SGCD: variants seen among roughly 807,000 people sequenced by gnomAD.
The protein encoded by SGCD is delta-sarcoglycan.
Under a neutral mutation model 36.6 loss-of-function variants are expected in SGCD, and 18 were observed. The observed-to-expected ratio is 0.49, with a 90% CI of 0.34 to 0.73. The LOEUF is 0.73. Ranked by LOEUF, SGCD falls within the 30% of genes least tolerant of loss-of-function variation. The pLI is 0.01. For synonymous variants in SGCD, 133 were observed against 130.6 expected, an observed-to-expected ratio of 1.02 and a Z score of -0.12; for missense variants, 387 against 346.7, an observed-to-expected ratio of 1.12 and a Z score of -0.92.
the SGCD span, among the ~76,000 whole-genome samples, chr5:155,820,765 G>A: frequency 6.6e-6 from 1 of 152,092 alleles, no homozygotes; most frequent in Non-Finnish European, 1.5e-5. Context: ...CTGCCCTACA[G>A]ATACAAGAGT....
chr5:155,739,496 C>G, the SGCD span, among the ~76,000 whole-genome samples: 1 of 152,222 alleles, frequency 6.6e-6, no homozygotes, highest in Non-Finnish European at 1.5e-5. Flanking sequence ...AATATTCCAT[C>G]TAACCTGCCT....
intron 3 of SGCD, among the ~76,000 whole-genome samples, chr5:156,412,453 A>G (rs1402507756): frequency 6.6e-6 from 1 of 152,244 alleles, no homozygotes; most frequent in South Asian, 2.1e-4. Context: ...TTTTGAGAAT[A>G]TTCTTTGTGC....
intron 1 of SGCD, among the ~76,000 whole-genome samples, chr5:155,957,590 C>G (rs1182598013): frequency 1.3e-5 from 2 of 152,046 alleles, no homozygotes. Flanking sequence ...TGGCTCATGG[C>G]CCTCTTCTTT....
Position 155,884,169 on chromosome 5 carries a change from C to A in SGCD, c.-282+13745C>A, listed in dbSNP as rs529557528. On this transcript the variant is annotated intron_variant, in intron 1 of 9. Transcript: ENST00000517913. ...CGGGTGACACCTAACGATGATGAAT[C>A]CTTTACCGAGGTGATTCACAGCTCT... Among the ~76,000 whole-genome samples, 13 of 152,270 alleles carry A rather than the reference C, an allele frequency of 8.5e-5. No homozygotes were observed. The East Asian group carries it at 2.5e-3, about 29-fold the overall frequency.
intron 3 of SGCD, among the ~76,000 whole-genome samples, chr5:156,292,918 T>C (rs1766797179): frequency 6.6e-6 from 1 of 152,152 alleles, no homozygotes; most frequent in Admixed American, 6.6e-5. Flanking sequence ...TGTCTGTTTG[T>C]GCAAGTCTGT....
chr5:156,458,996 C>T (rs563727859), intron 3 of SGCD, among the ~76,000 whole-genome samples: 1 of 152,248 alleles, frequency 6.6e-6, no homozygotes, highest in African/African-American at 2.4e-5. Flanking sequence ...AAAGCCCTTT[C>T]AAAGAATATT....
chr5:155,753,485 T>G, the SGCD span, among the ~76,000 whole-genome samples: 1 of 152,216 alleles, frequency 6.6e-6, no homozygotes, highest in Non-Finnish European at 1.5e-5. Context: ...CAATGTGCTA[T>G]TTCAGGGAAG....
intron 3 of SGCD, among the ~76,000 whole-genome samples, chr5:156,168,956 C>T (rs144130183): frequency 1.3e-5 from 2 of 152,264 alleles, no homozygotes; most frequent in Non-Finnish European, 2.9e-5. Flanking sequence ...GATGAGTGTG[C>T]TTATGGAGGG....
At chr5:156,179,316 G>T (rs191830563) in intron 3 of SGCD, among the ~76,000 whole-genome samples, 1 of 152,098 alleles carries the variant, frequency 6.6e-6, no homozygotes. Context: ...GCAGCTACAT[G>T]CAATTTTTCA....
rs556103150 is a variant in SGCD, at chr5:156,116,169, A to G, written c.-281-1709A>G. ...GCAGCTTGTTTTTCTATTATTTACC[A>G]TTTTCAAAATAATGATCTGGTTCTC... is the stretch of plus-strand genomic sequence containing the variant. On this transcript the variant is annotated intron_variant, in intron 1 of 9. Coordinates refer to the SGCD transcript ENST00000517913. Among the ~76,000 whole-genome samples the G allele has an allele frequency of 1.1e-4, 17 of 152,112 alleles. No homozygotes were observed. In the South Asian group the frequency reaches 2.9e-3, roughly 26 times the overall value.
intron 3 of SGCD, among the ~76,000 whole-genome samples, chr5:156,490,067 A>C (rs1755867535): frequency 6.6e-6 from 1 of 152,060 alleles, no homozygotes; most frequent in Non-Finnish European, 1.5e-5. Flanking sequence ...AAGGATAAAG[A>C]CTATTATAAA....
chr5:156,524,151 T>C (rs563524305), intron 4 of SGCD, among the ~76,000 whole-genome samples: 15 of 111,066 alleles, frequency 1.4e-4, no homozygotes, highest in African/African-American at 4.7e-4. Context: ...TATATATGGT[T>C]TTACATAAAA....
At chr5:156,480,611 G>A (rs1400683078) in intron 3 of SGCD, among the ~76,000 whole-genome samples, 1 of 152,144 alleles carries the variant, frequency 6.6e-6, no homozygotes, top group Non-Finnish European at 1.5e-5. Context: ...ACCCCAGATG[G>A]CACATGGGCC....
At chr5:155,845,109 G>A in the SGCD span, among the ~76,000 whole-genome samples, 5 of 152,184 alleles carry the variant, frequency 3.3e-5, no homozygotes, top group African/African-American at 1.2e-4. Flanking sequence ...TCCTACTTAT[G>A]AGTGAGAACA....
Position 156,344,627 on chromosome 5 carries a change from G to A in SGCD, c.142G>A (p.Val48Met), listed in dbSNP as rs556208970. 1.2e-6 allele frequency: 2 copies of A among 1,611,702 alleles called. No individual in the cohort carries two copies. Among genetic ancestry groups the A allele is most frequent in the Admixed American group, 3.3e-5 (2 of 59,788 alleles). Residue 48 changes from valine to methionine, a missense_variant, in exon 3 of 9, where the codon GTG (valine) becomes ATG (methionine). Physicochemically the swap from Val to Met is conservative, Grantham distance 21. Coordinates refer to ENST00000337851, the MANE Select transcript of SGCD (RefSeq NM_000337.6). Reference sequence around the variant, plus strand: ...CCTGCTCCTCATGATTTTAATACTGGTGAACTTGGCCATGACCATCTGGAT... The same window carrying A: ...CCTGCTCCTCATGATTTTAATACTGATGAACTTGGCCATGACCATCTGGAT... ...FVLLLMILIL[V>M]NLAMTIWILK...
At chr5:156,643,297 G>A (rs1445788198) in intron 6 of SGCD, among the ~76,000 whole-genome samples, 2 of 151,868 alleles carry the variant, frequency 1.3e-5, no homozygotes, top group Non-Finnish European at 1.5e-5. Flanking sequence ...CTTCCAAAAT[G>A]CTGGGATTAC....
rs934639739 is a variant in SGCD, at chr5:156,759,250, A to G, written c.733A>G (p.Arg245Gly). 2 of 1,613,728 alleles carry G rather than the reference A, an allele frequency of 1.2e-6. No individual in the cohort carries two copies. Among genetic ancestry groups the G allele is most frequent in the Non-Finnish European group, 1.7e-6 (2 of 1,179,762 alleles). ...KLDAAKIRLP[R>G]LPHGSYTPTG... The stretch of plus-strand genomic sequence containing the variant: ...AGATGCTGCGAAAATCAGGCTACCT[A>G]GACTGCCTCATGGATCCTACACGCC... The change falls in exon 9 of 9, where the codon AGA becomes GGA. Residue 245 changes from arginine (R) to glycine (G), a missense_variant. Arg to Gly is a moderately radical substitution (Grantham distance 125, BLOSUM62 -2). Transcript: ENST00000337851.
chr5:156,234,475 T>C (rs1414976883), intron 3 of SGCD, among the ~76,000 whole-genome samples: 23 of 152,178 alleles, frequency 1.5e-4, no homozygotes, highest in Non-Finnish European at 3.4e-4. Flanking sequence ...TGGAGGTTCA[T>C]TAGAACCTAA....
chr5:156,026,376 A>C (rs1338829799), intron 1 of SGCD, among the ~76,000 whole-genome samples: 4 of 152,208 alleles, frequency 2.6e-5, no homozygotes, highest in Admixed American at 2.6e-4. Context: ...AGGGAAGTGG[A>C]TATATAAAAT....
Sources: allele counts gnomAD v4.1 joint callset (sites outside exome capture counted in the v4.1 genomes callset), GRCh38; gene constraint gnomAD v4.1.1; transcripts MANE v1.5; gene names NCBI Gene and HGNC (gene_info 2026-07-23, HGNC 2026-07-21).